Variants in MBNL3 observed in about 807,000 individuals in gnomAD.
The protein encoded by MBNL3 is muscleblind like splicing regulator 3.
In MBNL3, 6 loss-of-function variants were observed where a neutral mutation model predicts 24.5. The observed-to-expected ratio is 0.25, with a 90% CI of 0.13 to 0.48. The LOEUF (loss-of-function observed/expected upper bound fraction) is 0.48. MBNL3 is among the 20% of genes least tolerant of loss of function. The pLI is 0.99. For synonymous variants in MBNL3, 100 were observed against 101.7 expected (o/e 0.98, Z 0.10); for missense variants, 230 against 293.5 (o/e 0.78, Z 1.58).
chrX:132,429,155 C>A (rs904680305), intron 2 of MBNL3, among the ~76,000 whole-genome samples: 4 of 112,351 alleles, frequency 3.6e-5, no homozygotes, highest in Admixed American at 9.4e-5. Flanking sequence ...TCCCATAAAA[C>A]AACACTTTAA....
At chrX:132,442,382 A>T (rs1435491755) in intron 1 of MBNL3, among the ~76,000 whole-genome samples, 1 of 111,889 alleles carries the variant, frequency 8.9e-6, no homozygotes. Context: ...TTAGCCAGAG[A>T]TTTTTCTCAG....
At chrX:132,463,832 GAAAT>G (rs941347838) in intron 1 of MBNL3, among the ~76,000 whole-genome samples, 5 of 111,975 alleles carry the variant, frequency 4.5e-5, no homozygotes, top group Non-Finnish European at 9.4e-5. Context: ...GTAAGATTTA[GAAAT>G]AAATAAATTT....
chrX:132,396,372 ATATATATTCATATATATATTCC>A (rs1336356161), intron 3 of MBNL3, among the ~76,000 whole-genome samples: 7 of 86,179 alleles, frequency 8.1e-5, no homozygotes, highest in South Asian at 5.1e-4. Context: ...ATATATATTC[ATATATATTCATATATATATTCC>A]TATATATATT....
At position 132,483,754 on chromosome X, in the gene MBNL3, CTT is replaced by C. The variant is rs201801686; in HGVS notation, c.-704+5095_-704+5096del. 7.0e-3 allele frequency among the ~76,000 whole-genome samples: 787 copies of C among 112,171 alleles called. 1 individual carries two copies. Among genetic ancestry groups the C allele is most frequent in the Non-Finnish European group, 0.01 (553 of 53,254 alleles). On this transcript the variant is annotated intron_variant, in intron 1 of 8. Coordinates refer to ENST00000370853, the MANE Select transcript of MBNL3 (RefSeq NM_001386889.1). ...TTGTGGTGGATCTGAAATGACAGCTCTTGTCTCTTCTACTGTGTGGACTTTGC... is the reference window on the plus strand; with the variant it reads ...TTGTGGTGGATCTGAAATGACAGCTCGTCTCTTCTACTGTGTGGACTTTGC...
chrX:132,383,714 ACTATGT>A (rs1252196704), intron 7 of MBNL3, among the ~76,000 whole-genome samples: 1 of 111,781 alleles, frequency 8.9e-6, no homozygotes, highest in East Asian at 2.8e-4. Context: ...GAGTGCTGCT[ACTATGT>A]GGTTGTCATT....
At chrX:132,398,863 A>C (rs1036949976) in intron 3 of MBNL3, among the ~76,000 whole-genome samples, 1 of 111,592 alleles carries the variant, frequency 9.0e-6, no homozygotes, top group African/African-American at 3.3e-5. Flanking sequence ...GCTAATAGAA[A>C]GATAATTCTA....
At chrX:132,392,085 C>T in intron 4 of MBNL3, 58 bp downstream of exon 4, 7 of 1,001,820 alleles carry the variant, frequency 7.0e-6, no homozygotes, top group Non-Finnish European at 9.4e-6. Flanking sequence ...GAGAATACTG[C>T]TTTATGTGTA....
chrX:132,378,422 C>T lies in MBNL3; in HGVS notation c.*1244G>A, dbSNP rs193223375. The T allele has an allele frequency of 9.0e-6, 1 of 111,706 alleles. No homozygotes were observed. The highest frequency in any genetic ancestry group is 3.2e-5 in the African/African-American group (1 of 30,787). 9.2% of individuals were successfully genotyped at this position (111,706 alleles called of 1,213,427 possible). On this transcript the variant is annotated 3_prime_UTR_variant, in exon 9 of 9. Transcript: ENST00000370853. ...GACTGTCCATTTGGGGAGGGAAGTC[C>T]TCATTTGCAACCAATTCTCTTTCAC...
At chrX:132,428,722 G>C (rs1944507510) in intron 2 of MBNL3, among the ~76,000 whole-genome samples, 2 of 111,919 alleles carry the variant, frequency 1.8e-5, no homozygotes, top group South Asian at 7.5e-4. Flanking sequence ...TCATCTGCAA[G>C]GGCAAACAGA....
At chrX:132,477,602 C>A (rs1187921460) in intron 1 of MBNL3, among the ~76,000 whole-genome samples, 2 of 110,983 alleles carry the variant, frequency 1.8e-5, no homozygotes, top group Non-Finnish European at 3.8e-5. Flanking sequence ...TGCAATAGTA[C>A]CCCCGGAAGG....
At chrX:132,450,657 C>T (rs950244784) in intron 1 of MBNL3, among the ~76,000 whole-genome samples, 2 of 112,331 alleles carry the variant, frequency 1.8e-5, no homozygotes, top group Admixed American at 1.9e-4. Context: ...CTTCTGAAGC[C>T]TACTTCTGTC....
At chrX:132,410,715 T>C (rs1466676901) in intron 2 of MBNL3, among the ~76,000 whole-genome samples, 1 of 112,494 alleles carries the variant, frequency 8.9e-6, no homozygotes, top group Non-Finnish European at 1.9e-5. Flanking sequence ...GTAACATACT[T>C]ACATGCACAG....
intron 1 of MBNL3, among the ~76,000 whole-genome samples, chrX:132,444,125 A>C (rs1945567347): frequency 9.1e-6 from 1 of 109,307 alleles, no homozygotes; most frequent in African/African-American, 3.3e-5. Flanking sequence ...CTGCTTGAGC[A>C]TAGAGATCAT....
intron 1 of MBNL3, among the ~76,000 whole-genome samples, chrX:132,463,695 A>G (rs1218995332): frequency 8.9e-6 from 1 of 111,801 alleles, no homozygotes; most frequent in Non-Finnish European, 1.9e-5. Flanking sequence ...AAAAAAAAGT[A>G]TCCCATAAAA....
chrX:132,381,189 A>G (rs1603029494), intron 8 of MBNL3, among the ~76,000 whole-genome samples: 1 of 112,422 alleles, frequency 8.9e-6, no homozygotes, highest in Admixed American at 9.4e-5. Flanking sequence ...AATATTGCAT[A>G]TTTGCACTCA....
At chrX:132,409,148 G>T (rs1187332798) in intron 2 of MBNL3, among the ~76,000 whole-genome samples, 1 of 112,290 alleles carries the variant, frequency 8.9e-6, no homozygotes, top group African/African-American at 3.2e-5. Flanking sequence ...ACAACACTTG[G>T]TGATAATAAA....
intron 2 of MBNL3, chrX:132,432,980 T>C (rs1179215438): frequency 1.8e-5 from 2 of 111,878 alleles, no homozygotes; most frequent in Non-Finnish European, 3.8e-5. Flanking sequence ...CAGCTTGGAA[T>C]ACAGAGGAAA....
chrX:132,410,094 G>GC (rs1942508630), intron 2 of MBNL3, among the ~76,000 whole-genome samples: 1 of 112,016 alleles, frequency 8.9e-6, no homozygotes, highest in Non-Finnish European at 1.9e-5. Context: ...AAGTACATCT[G>GC]CATCAAGAAG....
intron 1 of MBNL3, among the ~76,000 whole-genome samples, chrX:132,478,900 T>A (rs1947582250): frequency 8.9e-6 from 1 of 112,371 alleles, no homozygotes; most frequent in African/African-American, 3.2e-5. Flanking sequence ...TGAACCTGAA[T>A]CAGCTTGAAA....
Sources: allele counts gnomAD v4.1 joint callset (sites outside exome capture counted in the v4.1 genomes callset), GRCh38; gene constraint gnomAD v4.1.1; transcripts MANE v1.5; gene names NCBI Gene and HGNC (gene_info 2026-07-23, HGNC 2026-07-21).